Variants in CUX1 observed in about 807,000 individuals in gnomAD.
CUX1 encodes the protein cut like homeobox 1.
CUX1 carries 31 observed loss-of-function variants against 158.8 expected under a neutral mutation model. The observed-to-expected ratio is 0.20, with a 90% CI of 0.15 to 0.26. The LOEUF (loss-of-function observed/expected upper bound fraction) is 0.26, where lower values mean the gene tolerates loss of function less well. Ranked by LOEUF, CUX1 falls within the 10% of genes least tolerant of loss-of-function variation. CUX1 has a pLI of 1.00. For missense variants in CUX1, 1,589 were observed against 2,014.6 expected (o/e 0.79, Z 4.04); for synonymous variants, 879 against 862.1 (o/e 1.02, Z -0.34).
chr7:102,030,689 G>GTTTTTTTTTT lies in CUX1; in HGVS notation c.189+2545_189+2546insTTTTTTTTTT, dbSNP rs1585341128. Among the ~76,000 whole-genome samples, 27 of 82,520 alleles carry GTTTTTTTTTT rather than the reference G, an allele frequency of 3.3e-4. No individual in the cohort carries two copies. In the East Asian group the frequency reaches 4.9e-3, roughly 15 times the overall value. The allele number at this position is 82,520 out of a possible 152,430, so 54.1% of individuals were successfully genotyped here. On this transcript the variant is annotated intron_variant, in intron 3 of 23. Coordinates refer to ENST00000292535, the MANE Select transcript of CUX1 (RefSeq NM_181552.4). ...TCTATCTAATTTTCTATTTTAAAAA[G>GTTTTTTTTTT]TGTTTTTTTTTTTTGAGACAGGGTC...
In CUX1 at chr7:102,081,626, C is replaced by T. The variant is rs1451339691; in HGVS notation, c.268+11209C>T. Reference sequence around the variant, plus strand: ...CCCTTTGCTTTATAAATTACGCAGTCTCAGGTATTTCTTTTTTGTTTTTTT... The same window carrying T: ...CCCTTTGCTTTATAAATTACGCAGTTTCAGGTATTTCTTTTTTGTTTTTTT... On this transcript the variant is annotated intron_variant, in intron 4 of 23. Transcript: ENST00000292535. Among the ~76,000 whole-genome samples, 2 of 146,796 alleles carry T rather than the reference C, an allele frequency of 1.4e-5. 1 individual carries two copies. The highest frequency in any genetic ancestry group is 3.1e-5 in the Non-Finnish European group (2 of 65,010).
At position 102,166,500 on chromosome 7, in the gene CUX1, G is replaced by C. The variant is rs150390361; in HGVS notation, c.724-3946G>C. Among the ~76,000 whole-genome samples, 835 of 152,276 alleles carry C rather than the reference G, an allele frequency of 5.5e-3. 5 individuals are homozygous for C. Among genetic ancestry groups the C allele is most frequent in the African/African-American group, 0.019 (809 of 41,552 alleles). ...CGCTAGATCTGGGGTTCCAGATCTA[G>C]AAACACAGCTACAGCTGGTTTAACA... On this transcript the variant is annotated intron_variant, in intron 9 of 23. Transcript: ENST00000292535.
intron 14 of CUX1, among the ~76,000 whole-genome samples, chr7:102,265,864 G>A (rs1263174742): frequency 6.6e-6 from 1 of 151,574 alleles, no homozygotes; most frequent in Non-Finnish European, 1.5e-5. Flanking sequence ...TGGCAGCAGT[G>A]GTAAAAAGAG....
intron 4 of CUX1, among the ~76,000 whole-genome samples, chr7:102,092,086 A>T (rs2130854373): frequency 6.6e-6 from 1 of 152,364 alleles, no homozygotes; most frequent in African/African-American, 2.4e-5. Context: ...AAAGAATTGC[A>T]TCCAAAATCT....
At chr7:102,172,383 C>G (rs959076741) in intron 10 of CUX1, among the ~76,000 whole-genome samples, 3 of 151,676 alleles carry the variant, frequency 2.0e-5, no homozygotes, top group African/African-American at 7.3e-5. Context: ...CGGGATCTCA[C>G]TCGGTCACCC....
intron 2 of CUX1, among the ~76,000 whole-genome samples, chr7:102,005,716 C>T (rs959277676): frequency 2.0e-5 from 3 of 152,180 alleles, no homozygotes; most frequent in Non-Finnish European, 4.4e-5. Flanking sequence ...CCTCCTCTGT[C>T]TACTCCACCT....
chr7:102,136,333 A>G (rs1554498739), intron 8 of CUX1, among the ~76,000 whole-genome samples: 1 of 152,004 alleles, frequency 6.6e-6, no homozygotes, highest in East Asian at 1.9e-4. Context: ...AAAAAAAAAC[A>G]ACAACCTTTA....
At chr7:101,950,995 T>G (rs924460436) in intron 2 of CUX1, among the ~76,000 whole-genome samples, 1 of 151,590 alleles carries the variant, frequency 6.6e-6, no homozygotes. Flanking sequence ...CCTGGAGGAG[T>G]TTTTCCAAGA....
intron 3 of CUX1, among the ~76,000 whole-genome samples, chr7:102,058,989 C>A (rs992597465): frequency 2.6e-5 from 4 of 152,186 alleles, no homozygotes; most frequent in African/African-American, 9.7e-5. Context: ...GCAGCCAGCA[C>A]CTCCTTCCTC....
chr7:101,828,608 C>CGTCT (rs1379670172), intron 1 of CUX1, among the ~76,000 whole-genome samples: 1 of 152,232 alleles, frequency 6.6e-6, no homozygotes, highest in African/African-American at 2.4e-5. Context: ...GAATGTCTCA[C>CGTCT]GTCTGCCTTG....
chr7:101,977,271 C>G (rs1176876004), intron 2 of CUX1, among the ~76,000 whole-genome samples: 1 of 152,166 alleles, frequency 6.6e-6, no homozygotes, highest in Non-Finnish European at 1.5e-5. Context: ...TATCAACCCA[C>G]AAGGAACTTC....
At chr7:102,187,576 C>G (rs1318737846) in intron 11 of CUX1, among the ~76,000 whole-genome samples, 1 of 152,090 alleles carries the variant, frequency 6.6e-6, no homozygotes, top group Non-Finnish European at 1.5e-5. Context: ...TCTGTGTGCT[C>G]CTCCCTCTGT....
chr7:101,831,444 C>G (rs1793997381), intron 1 of CUX1, among the ~76,000 whole-genome samples: 1 of 152,156 alleles, frequency 6.6e-6, no homozygotes, highest in Non-Finnish European at 1.5e-5. Context: ...GTGTGCACCA[C>G]CACGCCGGGC....
chr7:101,932,710 A>G (rs1381090309), intron 2 of CUX1: 2 of 422,066 alleles, frequency 4.7e-6, no homozygotes, highest in Non-Finnish European at 9.7e-6. Context: ...CACGAAAGGT[A>G]TTTCATACGT....
intron 8 of CUX1, among the ~76,000 whole-genome samples, chr7:102,136,532 C>T (rs11771220): frequency 6.6e-6 from 1 of 152,110 alleles, no homozygotes; most frequent in Non-Finnish European, 1.5e-5. Flanking sequence ...GCTGGGATTA[C>T]AGGCACCGCC....
At chr7:102,009,397 G>A (rs1167906645) in intron 2 of CUX1, among the ~76,000 whole-genome samples, 2 of 152,220 alleles carry the variant, frequency 1.3e-5, no homozygotes, top group Non-Finnish European at 2.9e-5. Flanking sequence ...GAAAGGCTGC[G>A]TGGGGCTGCA....
rs559941571 is a variant in CUX1, at chr7:101,890,350, A to C, written c.31-25765A>C. ...AGGGTGTTAGGTCCAGAGGTGCTAA[A>C]ATCCCCAACCATGGTCAAAATGGGG... On this transcript the variant is annotated intron_variant, in intron 1 of 23. Transcript: ENST00000292535. Among the ~76,000 whole-genome samples, 4 of 152,204 alleles carry C rather than the reference A, an allele frequency of 2.6e-5. No individual in the cohort carries two copies. The East Asian group carries it at 7.7e-4, about 29-fold the overall frequency.
chr7:102,061,257 G>A (rs1369717623), intron 3 of CUX1, among the ~76,000 whole-genome samples: 1 of 151,996 alleles, frequency 6.6e-6, no homozygotes, highest in African/African-American at 2.4e-5. Flanking sequence ...CCTGCCTCCC[G>A]GTCACCCAGC....
At chr7:101,868,981 G>C (rs539583722) in intron 1 of CUX1, among the ~76,000 whole-genome samples, 25 of 152,342 alleles carry the variant, frequency 1.6e-4, no homozygotes, top group African/African-American at 5.3e-4. Flanking sequence ...GATGCCAGCA[G>C]AGCTGTAGGC....
Sources: allele counts gnomAD v4.1 joint callset (sites outside exome capture counted in the v4.1 genomes callset), GRCh38; gene constraint gnomAD v4.1.1; transcripts MANE v1.5; gene names NCBI Gene and HGNC (gene_info 2026-07-23, HGNC 2026-07-21).